The following CACNA2D4 variants were observed in gnomAD, a reference collection of about 807,000 sequenced individuals.
CACNA2D4 encodes voltage-dependent calcium channel subunit alpha-2/delta-4.
Under a neutral mutation model 163.8 loss-of-function variants are expected in CACNA2D4, and 157 were observed. That is an observed-to-expected ratio of 0.96 (90% CI 0.84 to 1.09). The LOEUF (loss-of-function observed/expected upper bound fraction) is 1.09, where lower values mean the gene tolerates loss of function less well. Ranked by LOEUF, CACNA2D4 falls within the 50% of genes least tolerant of loss-of-function variation. CACNA2D4 has a pLI of 0.00. For synonymous variants in CACNA2D4, 598 were observed against 586.9 expected (o/e 1.02, Z -0.27); for missense variants, 1,410 against 1,479.9 (o/e 0.95, Z 0.78).
chr12:1,915,148 G>A (rs780705914), intron 1 of CACNA2D4: 10 of 703,216 alleles, frequency 1.4e-5, no homozygotes, highest in Non-Finnish European at 2.3e-5. Context: ...ACATGCATAT[G>A]CATACACACA....
In CACNA2D4 at chr12:1,793,792, G is replaced by A. The variant is rs149022741; in HGVS notation, c.3310-33C>T. ...CGCAGAGCAGAGGTGACAGCGCGGC[G>A]CTCAGAGGAGGACCCTCAAAAAGGG... On this transcript the variant is annotated intron_variant, in intron 37 of 37. Coordinates refer to ENST00000382722, the MANE Select transcript of CACNA2D4 (RefSeq NM_172364.5). The A allele has an allele frequency of 1.7e-4, 261 of 1,564,008 alleles. 2 individuals are homozygous for A. The African/African-American group carries it at 2.3e-3, about 14-fold the overall frequency.
rs1864027618 is a variant in CACNA2D4 at position 1,820,031 on chromosome 12, C to T, written c.2552-8308G>A. Among the ~76,000 whole-genome samples the T allele has an allele frequency of 6.6e-6, 1 of 152,208 alleles. No individual in the cohort carries two copies. The highest frequency in any genetic ancestry group is 1.5e-5 in the Non-Finnish European group (1 of 68,038). ...TGGCACATGGACATGCCTGTGTACC[C>T]TTCTTTCGTATGACCGAGAGAAGGG... On this transcript the variant is annotated intron_variant, in intron 26 of 37. Coordinates refer to ENST00000382722, the MANE Select transcript of CACNA2D4 (RefSeq NM_172364.5). This position sits in a 1 kb window ranked among gnomAD's most constrained non-coding sequence, Gnocchi z 6.0.
chr12:1,841,341 G>A (rs1425377036), intron 25 of CACNA2D4, among the ~76,000 whole-genome samples: 1 of 152,180 alleles, frequency 6.6e-6, no homozygotes, highest in Admixed American at 6.5e-5. Flanking sequence ...ACCGCTCTCC[G>A]GGTCTTTCAC....
intron 6 of CACNA2D4, 127 bp downstream of exon 6, chr12:1,907,313 A>G: frequency 1.3e-6 from 1 of 788,934 alleles, no homozygotes; most frequent in Non-Finnish European, 2.0e-6. Flanking sequence ...GGGCTTGGAG[A>G]TGCTTTGGGA....
chr12:1,816,255 G>A (rs902653178), intron 26 of CACNA2D4, among the ~76,000 whole-genome samples: 3 of 152,228 alleles, frequency 2.0e-5, no homozygotes, highest in Admixed American at 2.0e-4. Flanking sequence ...TTTCGGTGAA[G>A]AGAAATTCAG....
intron 25 of CACNA2D4, 112 bp from the exon 26 acceptor site, chr12:1,840,931 TG>T: frequency 4.3e-6 from 4 of 932,902 alleles, no homozygotes; most frequent in Non-Finnish European, 6.9e-6. Context: ...AAGGCATCCT[TG>T]GAAGAATTGA....
chr12:1,810,502 A>G (rs938262524), intron 28 of CACNA2D4, 41 bp downstream of exon 28: 4 of 1,546,336 alleles, frequency 2.6e-6, no homozygotes, highest in Non-Finnish European at 3.5e-6. Context: ...GCGGAGGGCC[A>G]TGGCTCCCTC....
rs201061375 is a variant in CACNA2D4, at chr12:1,792,228, G to C, written c.*1427C>G. The C allele has an allele frequency of 7.2e-6, 1 of 138,456 alleles. No individual in the cohort carries two copies. The highest frequency in any genetic ancestry group is 2.3e-4 in the South Asian group (1 of 4,274). The allele number at this position is 138,456 out of a possible 1,614,324, so 8.6% of individuals were successfully genotyped here. On this transcript the variant is annotated 3_prime_UTR_variant, in exon 38 of 38. Coordinates refer to ENST00000382722, the MANE Select transcript of CACNA2D4 (RefSeq NM_172364.5). ...TTATTCTGCCACTTAAGCTGTCTTC[G>C]AGCTGCAGTGTCTTCTGCTGTAAGG... is the stretch of plus-strand genomic sequence containing the variant.
chr12:1,899,128 A>G (rs1866479484), intron 6 of CACNA2D4, among the ~76,000 whole-genome samples: 1 of 152,136 alleles, frequency 6.6e-6, no homozygotes, highest in South Asian at 2.1e-4. Context: ...AATAAAATTT[A>G]AAAAACCTCA....
Position 1,856,122 on chromosome 12 carries a change from A to G in CACNA2D4, c.2055-13T>C. ...GATGCAGTAGATCCTGAAACCCAGGAAAGTCAGTGTTATCTCAAAACATTC... is the reference window on the plus strand; with the variant it reads ...GATGCAGTAGATCCTGAAACCCAGGGAAGTCAGTGTTATCTCAAAACATTC... On this transcript the variant is annotated splice_polypyrimidine_tract_variant and intron_variant, in intron 21 of 37. Coordinates refer to ENST00000382722, the MANE Select transcript of CACNA2D4 (RefSeq NM_172364.5). 6.2e-7 allele frequency: 1 copy of G among 1,613,866 alleles called. No individual in the cohort carries two copies. Among genetic ancestry groups the G allele is most frequent in the East Asian group, 2.2e-5 (1 of 44,884 alleles).
At chr12:1,816,751 CACAT>C (rs1220327927) in intron 26 of CACNA2D4, among the ~76,000 whole-genome samples, 1 of 152,324 alleles carries the variant, frequency 6.6e-6, no homozygotes, top group East Asian at 1.9e-4. Flanking sequence ...CATGCACACA[CACAT>C]ACATGCACAC....
At chr12:1,887,732 A>G (rs1866183143) in intron 6 of CACNA2D4, among the ~76,000 whole-genome samples, 1 of 152,250 alleles carries the variant, frequency 6.6e-6, no homozygotes. Context: ...AAACACTGAC[A>G]TGATCCACAA....
At chr12:1,801,475 GT>G in intron 30 of CACNA2D4, 98 bp downstream of exon 30, 2 of 1,032,894 alleles carry the variant, frequency 1.9e-6, no homozygotes, top group Non-Finnish European at 3.0e-6. Context: ...CCCACTGTGG[GT>G]TTTGGAGGTC....
chr12:1,907,077 C>T (rs1359691002), intron 6 of CACNA2D4, among the ~76,000 whole-genome samples: 2 of 152,256 alleles, frequency 1.3e-5, no homozygotes, highest in Non-Finnish European at 2.9e-5. Context: ...GTTGAACACT[C>T]TTGGCGAGTG....
intron 1 of CACNA2D4, 118 bp from the exon 2 acceptor site, chr12:1,915,053 G>A (rs1866932221): frequency 1.3e-6 from 1 of 759,460 alleles, no homozygotes. Context: ...ACAGACACCT[G>A]CTGATGCATG....
intron 23 of CACNA2D4, among the ~76,000 whole-genome samples, chr12:1,850,045 A>AT (rs556026415): frequency 4.6e-5 from 7 of 152,210 alleles, no homozygotes; most frequent in Admixed American, 1.3e-4. Flanking sequence ...TCATAGGTAC[A>AT]TTTTTTTCAT....
intron 26 of CACNA2D4, among the ~76,000 whole-genome samples, chr12:1,813,952 C>T (rs562707228): frequency 8.5e-4 from 129 of 152,298 alleles, no homozygotes; most frequent in South Asian, 1.9e-3. Flanking sequence ...GTCTCTTCTC[C>T]TTCTTTTCCC....
In CACNA2D4 at chr12:1,913,103, C is replaced by T; in HGVS notation, c.346G>A (p.Glu116Lys). The change falls in exon 3 of 38, where the codon GAG becomes AAG. Residue 116 changes from glutamate (E) to lysine (K), a missense_variant. Transcript: ENST00000382722. ...CTCACCAGCTCCAAGCCATCCACCT[C>T]CTCGATCTTCAGACTGGACTCCACA... ...KDVESSLKIE[E>K]VDGLELVRKF... 6.2e-7 allele frequency: 1 copy of T among 1,613,852 alleles called. No homozygotes were observed. Among genetic ancestry groups the T allele is most frequent in the Non-Finnish European group, 8.5e-7 (1 of 1,179,750 alleles).
chr12:1,903,742 G>A (rs555557745), intron 6 of CACNA2D4, among the ~76,000 whole-genome samples: 1 of 152,164 alleles, frequency 6.6e-6, no homozygotes, highest in East Asian at 1.9e-4. Context: ...AGGACTTGGA[G>A]AAACTCATAC....
Sources: allele counts gnomAD v4.1 joint callset (sites outside exome capture counted in the v4.1 genomes callset), GRCh38; gene constraint gnomAD v4.1.1; non-coding constraint Gnocchi (gnomAD v3.1); transcripts MANE v1.5; gene names NCBI Gene and HGNC (gene_info 2026-07-23, HGNC 2026-07-21).